Variants in NCK2 observed in about 807,000 individuals in gnomAD.
The protein encoded by NCK2 is NCK adaptor protein 2, also known as cytoplasmic protein NCK2.
In NCK2, 16 loss-of-function variants were observed where a neutral mutation model predicts 33.9. The ratio of observed to expected loss-of-function variants is 0.47; its 90% confidence interval spans 0.32 to 0.72. The LOEUF (loss-of-function observed/expected upper bound fraction) is 0.72. Ranked by LOEUF, NCK2 falls within the 30% of genes least tolerant of loss-of-function variation. The probability of loss-of-function intolerance (pLI) is 0.03; values close to 1 mark genes in which losing one functional copy is unlikely to be tolerated. For missense variants in NCK2, 418 were observed against 537.3 expected (o/e 0.78, Z 2.19); for synonymous variants, 273 against 239.9 (o/e 1.14, Z -1.27).
At chr2:105,890,781 GGAGTGATTCCTT>G (rs1246433437) in intron 4 of NCK2, among the ~76,000 whole-genome samples, 1 of 152,228 alleles carries the variant, frequency 6.6e-6, no homozygotes, top group African/African-American at 2.4e-5. Context: ...TGGTAGAAAT[GGAGTGATTCCTT>G]GTTTTGCAAG....
intron 3 of NCK2, among the ~76,000 whole-genome samples, chr2:105,869,445 G>C (rs1010509217): frequency 1.3e-5 from 2 of 152,204 alleles, no homozygotes; most frequent in Non-Finnish European, 2.9e-5. Flanking sequence ...TAGATGCAGA[G>C]AGATGTTACA....
At chr2:105,810,314 G>A (rs1039553915) in intron 1 of NCK2, among the ~76,000 whole-genome samples, 2 of 152,106 alleles carry the variant, frequency 1.3e-5, no homozygotes, top group African/African-American at 4.8e-5. Context: ...ACAAAAGTGT[G>A]TGTGTGTGAG....
At chr2:105,746,905 TC>T (rs1283507717) in intron 1 of NCK2, among the ~76,000 whole-genome samples, 1 of 152,200 alleles carries the variant, frequency 6.6e-6, no homozygotes, top group African/African-American at 2.4e-5. Flanking sequence ...CTGGCCCACT[TC>T]CTGTCCCGGA....
chr2:105,837,426 T>C (rs1676473268), intron 2 of NCK2, among the ~76,000 whole-genome samples: 1 of 152,170 alleles, frequency 6.6e-6, no homozygotes, highest in South Asian at 2.1e-4. Flanking sequence ...GTCATCTGTG[T>C]GATTGTGTGG....
At chr2:105,825,978 A>G (rs962888743) in intron 2 of NCK2, among the ~76,000 whole-genome samples, 1 of 152,224 alleles carries the variant, frequency 6.6e-6, no homozygotes, top group Non-Finnish European at 1.5e-5. Flanking sequence ...TACATCCTTT[A>G]TAACTCTAGA....
intron 2 of NCK2, among the ~76,000 whole-genome samples, chr2:105,839,645 G>T (rs550440709): frequency 2.6e-5 from 4 of 152,222 alleles, no homozygotes; most frequent in Admixed American, 2.6e-4. Flanking sequence ...AGTTTTAGAC[G>T]TGAGATTTGA....
At chr2:105,782,306 G>T (rs1208748190) in intron 1 of NCK2, among the ~76,000 whole-genome samples, 1 of 152,146 alleles carries the variant, frequency 6.6e-6, no homozygotes, top group Non-Finnish European at 1.5e-5. Flanking sequence ...CCTGCTGATG[G>T]CTTCCACCAG....
intron 2 of NCK2, among the ~76,000 whole-genome samples, chr2:105,848,825 G>C (rs1039638304): frequency 6.6e-6 from 1 of 152,148 alleles, no homozygotes; most frequent in African/African-American, 2.4e-5. Context: ...AAAGAAAAAA[G>C]TCTTAAGGAG....
chr2:105,847,965 T>G (rs1418639150), intron 2 of NCK2, among the ~76,000 whole-genome samples: 1 of 152,156 alleles, frequency 6.6e-6, no homozygotes, highest in Non-Finnish European at 1.5e-5. Context: ...CAGAACTATG[T>G]CATCCCAATT....
At chr2:105,806,196 T>A (rs1362920959) in intron 1 of NCK2, among the ~76,000 whole-genome samples, 1 of 151,768 alleles carries the variant, frequency 6.6e-6, no homozygotes, top group Non-Finnish European at 1.5e-5. Context: ...TGTGTGTGTG[T>A]GCTTGTGTAT....
intron 1 of NCK2, among the ~76,000 whole-genome samples, chr2:105,760,537 G>C (rs1689735048): frequency 6.6e-6 from 1 of 152,176 alleles, no homozygotes; most frequent in Non-Finnish European, 1.5e-5. Context: ...GTGGCACCTA[G>C]CTCTAAGGCT....
At position 105,881,845 on chromosome 2, in the gene NCK2, CA is replaced by C. The variant is rs869110500; in HGVS notation, c.749del (p.Asn250ThrfsTer20). ...CCCGGGGCCAGGTGGGCCTCGTCCC[CA>C]AAAACTACGTGGTGGTCCTCAGTGA... ...NARGQVGLVP[K>X]NYVVVLSDGP... On this transcript the variant is annotated frameshift_variant, in exon 4 of 5. Transcript: ENST00000233154. LOFTEE classifies it high-confidence loss of function. 1 of 1,596,802 alleles carries C rather than the reference CA, an allele frequency of 6.3e-7. No individual in the cohort carries two copies. Among genetic ancestry groups the C allele is most frequent in the Non-Finnish European group, 8.5e-7 (1 of 1,170,726 alleles).
intron 3 of NCK2, among the ~76,000 whole-genome samples, chr2:105,865,974 G>T (rs2104615002): frequency 6.6e-6 from 1 of 151,822 alleles, no homozygotes; most frequent in East Asian, 1.9e-4. Context: ...AAGTGCAATG[G>T]CAATATCTTG....
chr2:105,760,883 T>G (rs1302804084), intron 1 of NCK2, among the ~76,000 whole-genome samples: 1 of 151,950 alleles, frequency 6.6e-6, no homozygotes, highest in Non-Finnish European at 1.5e-5. Flanking sequence ...CTTCATAGTT[T>G]CTACATGTGT....
At chr2:105,835,402 T>TATATATATATAC (rs1278239028) in intron 2 of NCK2, among the ~76,000 whole-genome samples, 79 of 72,904 alleles carry the variant, frequency 1.1e-3, no homozygotes, top group East Asian at 4.6e-3. Flanking sequence ...TATATATATA[T>TATATATATATAC]ATACGTGTAT....
chr2:105,772,070 G>A (rs749703296), intron 1 of NCK2, among the ~76,000 whole-genome samples: 14 of 152,134 alleles, frequency 9.2e-5, no homozygotes, highest in African/African-American at 1.9e-4. Context: ...TGGAACTGCC[G>A]ATCCTGGCTC....
chr2:105,876,818 T>C (rs568894022), intron 3 of NCK2, among the ~76,000 whole-genome samples: 1 of 152,160 alleles, frequency 6.6e-6, no homozygotes, highest in Non-Finnish European at 1.5e-5. Flanking sequence ...AACTGGGATC[T>C]GGGTGCCGCC....
intron 2 of NCK2, among the ~76,000 whole-genome samples, chr2:105,819,842 C>G (rs1228315249): frequency 6.6e-6 from 1 of 152,126 alleles, no homozygotes; most frequent in African/African-American, 2.4e-5. Flanking sequence ...TGTAGCCATT[C>G]ATATAATAAA....
At chr2:105,751,441 A>G (rs1284304348) in intron 1 of NCK2, among the ~76,000 whole-genome samples, 2 of 152,140 alleles carry the variant, frequency 1.3e-5, no homozygotes, top group African/African-American at 4.8e-5. Context: ...GTGGCTCTCC[A>G]TCGTACTTGG....
Sources: allele counts gnomAD v4.1 joint callset (sites outside exome capture counted in the v4.1 genomes callset), GRCh38; gene constraint gnomAD v4.1.1; transcripts MANE v1.5; gene names NCBI Gene and HGNC (gene_info 2026-07-23, HGNC 2026-07-21).